The following STXBP3 variants were observed in gnomAD, a reference collection of about 807,000 sequenced individuals.
STXBP3 encodes the protein syntaxin-binding protein 3.
In STXBP3, 41 loss-of-function variants were observed where a neutral mutation model predicts 85.7. That is an observed-to-expected ratio of 0.48 (90% CI 0.37 to 0.62). STXBP3 has a LOEUF of 0.62. STXBP3 is among the 20% of genes least tolerant of loss of function. The pLI is 0.00. For missense variants in STXBP3, 563 were observed against 703.1 expected (o/e 0.80, Z 2.25); for synonymous variants, 229 against 231.7 (o/e 0.99, Z 0.10).
chr1:108,768,931 A>G (rs1662323500), intron 6 of STXBP3, among the ~76,000 whole-genome samples: 1 of 152,118 alleles, frequency 6.6e-6, no homozygotes, highest in Non-Finnish European at 1.5e-5. Context: ...ATATATAATA[A>G]GGCAAGTAGA....
At chr1:108,764,357 A>G (rs1319932498) in intron 6 of STXBP3, among the ~76,000 whole-genome samples, 1 of 152,126 alleles carries the variant, frequency 6.6e-6, no homozygotes, top group East Asian at 1.9e-4. Context: ...GCTGCAGTGA[A>G]CATATACGTG....
chr1:108,759,886 C>G, intron 5 of STXBP3, 99 bp from the exon 6 acceptor site: 1 of 713,898 alleles, frequency 1.4e-6, no homozygotes, highest in Non-Finnish European at 2.4e-6. Context: ...ACTGTGAAAG[C>G]CAGTAATTAT....
intron 11 of STXBP3, 53 bp downstream of exon 11, chr1:108,782,759 T>A: frequency 6.8e-7 from 1 of 1,469,716 alleles, no homozygotes; most frequent in South Asian, 1.3e-5. Flanking sequence ...TTTTAAAGTT[T>A]GTTTAAAATC....
chr1:108,769,274 G>A (rs1025881068), intron 6 of STXBP3, among the ~76,000 whole-genome samples: 4 of 152,102 alleles, frequency 2.6e-5, no homozygotes, highest in African/African-American at 9.7e-5. Context: ...CGGAGGGATT[G>A]ATCTTGCTGT....
chr1:108,787,931 A>T (rs944942970), intron 11 of STXBP3, among the ~76,000 whole-genome samples: 4 of 152,036 alleles, frequency 2.6e-5, no homozygotes, highest in African/African-American at 9.7e-5. Context: ...CTGGAATTAC[A>T]GGTGTGCACC....
chr1:108,772,944 T>G, intron 7 of STXBP3, 125 bp downstream of exon 7: 1 of 889,910 alleles, frequency 1.1e-6, no homozygotes, highest in Admixed American at 3.5e-5. Flanking sequence ...ATTACCATGC[T>G]CTACATATAG....
chr1:108,802,060 T>G (rs1663243615), intron 17 of STXBP3, among the ~76,000 whole-genome samples: 1 of 152,156 alleles, frequency 6.6e-6, no homozygotes, highest in African/African-American at 2.4e-5. Flanking sequence ...AGAGAGCTTA[T>G]CTTTTCTTTC....
At chr1:108,749,579 G>A (rs1327029250) in intron 1 of STXBP3, among the ~76,000 whole-genome samples, 1 of 152,152 alleles carries the variant, frequency 6.6e-6, no homozygotes, top group Non-Finnish European at 1.5e-5. Context: ...ATTTTCATTA[G>A]TATTTAGAGG....
intron 6 of STXBP3, among the ~76,000 whole-genome samples, chr1:108,763,144 A>G (rs1315421388): frequency 6.6e-6 from 1 of 152,238 alleles, no homozygotes; most frequent in African/African-American, 2.4e-5. Context: ...TTACAGATAG[A>G]TACAATCTAG....
chr1:108,789,740 A>G (rs1303008082), intron 11 of STXBP3, among the ~76,000 whole-genome samples: 2 of 152,148 alleles, frequency 1.3e-5, no homozygotes, highest in African/African-American at 2.4e-5. Flanking sequence ...AATGTGCACT[A>G]TATGACATCA....
At chr1:108,772,110 CTATA>C (rs1351249349) in intron 6 of STXBP3, among the ~76,000 whole-genome samples, 1 of 113,830 alleles carries the variant, frequency 8.8e-6, no homozygotes, top group Non-Finnish European at 1.8e-5. Flanking sequence ...TGATATCTAT[CTATA>C]TATCATATAT....
intron 7 of STXBP3, among the ~76,000 whole-genome samples, chr1:108,775,303 A>G (rs753626219): frequency 5.3e-5 from 8 of 152,054 alleles, no homozygotes; most frequent in East Asian, 1.9e-4. Flanking sequence ...TTGTGGATAC[A>G]TAGTAGGTGT....
intron 7 of STXBP3, among the ~76,000 whole-genome samples, chr1:108,773,927 T>C (rs1662528036): frequency 6.6e-6 from 1 of 152,034 alleles, no homozygotes; most frequent in South Asian, 2.1e-4. Flanking sequence ...CATTCCAAAA[T>C]GAACATATCC....
chr1:108,781,857 T>G (rs1192775575), intron 9 of STXBP3: 1 of 152,310 alleles, frequency 6.6e-6, no homozygotes, highest in Admixed American at 6.6e-5. Context: ...TACAGGTGTG[T>G]GTCACCACAC....
At chr1:108,786,082 T>C (rs181593416) in intron 11 of STXBP3, among the ~76,000 whole-genome samples, 164 of 152,316 alleles carry the variant, frequency 1.1e-3, no homozygotes, top group Middle Eastern at 6.8e-3. Context: ...CCACTCCTGG[T>C]ACCAAAACTG....
In STXBP3 at chr1:108,782,386, AAATC is replaced by A. The variant is rs377249286; in HGVS notation, c.810-33_810-30del. 115 of 1,503,754 alleles carry A rather than the reference AAATC, an allele frequency of 7.6e-5. 1 individual carries two copies. The East Asian group carries it at 1.7e-3, about 22-fold the overall frequency. 93.2% of individuals were successfully genotyped at this position (1,503,754 alleles called of 1,614,324 possible). A position where few individuals can be genotyped will look rare whatever the true frequency, so the allele number is the denominator to read the frequency against. On this transcript the variant is annotated intron_variant, in intron 9 of 18. Coordinates refer to ENST00000370008, the MANE Select transcript of STXBP3 (RefSeq NM_007269.4). ...GTTTCTTTTGATTTTGGAGGGAAAA[AAATC>A]AAAAAGTTTTAGTGCTTCTGTCTAC...
intron 6 of STXBP3, among the ~76,000 whole-genome samples, chr1:108,765,147 A>G (rs570704834): frequency 7.2e-5 from 11 of 152,094 alleles, no homozygotes; most frequent in Non-Finnish European, 1.5e-4. Context: ...TCCTTTCCAC[A>G]TTGTTCTTGT....
intron 7 of STXBP3, among the ~76,000 whole-genome samples, chr1:108,775,942 CACACACACACAT>C (rs1199970290): frequency 7.3e-5 from 9 of 123,680 alleles, no homozygotes; most frequent in African/African-American, 1.3e-4. Flanking sequence ...CACACACACA[CACACACACACAT>C]ACATATGAAA....
intron 11 of STXBP3, among the ~76,000 whole-genome samples, chr1:108,790,641 C>T (rs1048656895): frequency 2.0e-5 from 3 of 151,424 alleles, no homozygotes; most frequent in Non-Finnish European, 4.4e-5. Flanking sequence ...TATTCTTTTC[C>T]TTCTTTATCA....
Sources: allele counts gnomAD v4.1 joint callset (sites outside exome capture counted in the v4.1 genomes callset), GRCh38; gene constraint gnomAD v4.1.1; transcripts MANE v1.5; gene names NCBI Gene and HGNC (gene_info 2026-07-23, HGNC 2026-07-21).